Variants in SLC5A11 observed in about 807,000 individuals in gnomAD.
SLC5A11 encodes solute carrier family 5 member 11.
A neutral mutation model predicts 69.8 loss-of-function variants in SLC5A11; 48 were observed. That is an observed-to-expected ratio of 0.69 (90% CI 0.55 to 0.87). The LOEUF (loss-of-function observed/expected upper bound fraction) is 0.87. SLC5A11 is among the 40% of genes least tolerant of loss of function. The probability of loss-of-function intolerance (pLI) is 0.00; values close to 1 mark genes in which losing one functional copy is unlikely to be tolerated. For synonymous variants in SLC5A11, 319 were observed against 342.4 expected (o/e 0.93, Z 0.75); for missense variants, 784 against 866.1 (o/e 0.91, Z 1.19).
chr16:24,908,283 G>A (rs747550652), intron 13 of SLC5A11, 152 bp downstream of exon 14: 13 of 861,926 alleles, frequency 1.5e-5, no homozygotes, highest in Admixed American at 1.2e-4. Context: ...TACAGGGAGG[G>A]TGTTTATCTG....
At chr16:24,869,984 T>A in exon 4 of SLC5A11, 1 of 1,613,180 alleles carries the variant, frequency 6.2e-7, no homozygotes, top group Non-Finnish European at 8.5e-7. Context: ...CGGGCATTTC[T>A]GTATCAGCTT....
chr16:24,872,051 A>G (rs542717654), intron 4 of SLC5A11, 109 bp from the exon 6 acceptor site: 1 of 1,221,374 alleles, frequency 8.2e-7, no homozygotes, highest in East Asian at 2.3e-5. Context: ...GTAAGAGACT[A>G]CACCAGAGGT....
chr16:24,905,644 A>ATG (rs1567695631), intron 10 of SLC5A11, among the ~76,000 whole-genome samples: 5 of 62,940 alleles, frequency 7.9e-5, no homozygotes, highest in African/African-American at 1.7e-4. Context: ...GCGCGCGCAC[A>ATG]CACACACACA....
intron 9 of SLC5A11, among the ~76,000 whole-genome samples, chr16:24,893,246 C>A (rs1406375109): frequency 6.6e-6 from 1 of 151,624 alleles, no homozygotes; most frequent in East Asian, 1.9e-4. Context: ...CGAGATCATG[C>A]CATTGCACTC....
chr16:24,901,834 C>G (rs915916785), intron 10 of SLC5A11, among the ~76,000 whole-genome samples: 2 of 151,632 alleles, frequency 1.3e-5, no homozygotes, highest in Non-Finnish European at 2.9e-5. Flanking sequence ...CCTGTAATCC[C>G]AGCTCTTTGG....
chr16:24,893,116 C>CAAAA (rs58331547), intron 9 of SLC5A11, among the ~76,000 whole-genome samples: 18 of 99,104 alleles, frequency 1.8e-4, no homozygotes, highest in East Asian at 5.9e-4. Flanking sequence ...ACTAAAAATA[C>CAAAA]AAAAAAAAAA....
intron 7 of SLC5A11, among the ~76,000 whole-genome samples, chr16:24,883,069 A>G (rs2048149011): frequency 6.6e-6 from 1 of 152,186 alleles, no homozygotes; most frequent in African/African-American, 2.4e-5. Flanking sequence ...TCCAGTCTTA[A>G]AAATAAAGGT....
At chr16:24,852,306 C>T (rs975157425) in intron 1 of SLC5A11, among the ~76,000 whole-genome samples, 2 of 152,158 alleles carry the variant, frequency 1.3e-5, no homozygotes, top group Non-Finnish European at 2.9e-5. Flanking sequence ...CTTTTCCTTG[C>T]ACTGGGGTGT....
At chr16:24,895,671 T>C (rs2049110962) in intron 9 of SLC5A11, among the ~76,000 whole-genome samples, 1 of 152,076 alleles carries the variant, frequency 6.6e-6, no homozygotes, top group African/African-American at 2.4e-5. Flanking sequence ...CTTTTTTGAA[T>C]TCTGACCGGC....
In SLC5A11 at chr16:24,890,855, C is replaced by A; in HGVS notation, c.665-14C>A. On this transcript the variant is annotated splice_polypyrimidine_tract_variant and intron_variant, in intron 8 of 15. Coordinates refer to ENST00000347898, the Ensembl canonical transcript of SLC5A11. ...ATCTGAGTTCCCGGAAAATAGGCTT[C>A]CTCTGAATTCTAGGTTTCGCCGCGG... The A allele has an allele frequency of 6.2e-7, 1 of 1,613,668 alleles. No individual in the cohort carries two copies. Among genetic ancestry groups the A allele is most frequent in the Non-Finnish European group, 8.5e-7 (1 of 1,179,692 alleles).
chr16:24,861,104 A>G (rs961969423), intron 2 of SLC5A11, among the ~76,000 whole-genome samples: 4 of 152,134 alleles, frequency 2.6e-5, no homozygotes, highest in Non-Finnish European at 5.9e-5. Context: ...CTATGGCTTC[A>G]TATCTTTTGC....
chr16:24,862,632 A>C, exon 3 of SLC5A11: 1 of 1,613,698 alleles, frequency 6.2e-7, no homozygotes, highest in Non-Finnish European at 8.5e-7. Flanking sequence ...GACACAGTGA[A>C]AGGCTACTTC....
intron 8 of SLC5A11, among the ~76,000 whole-genome samples, chr16:24,885,368 C>T (rs547171123): frequency 1.7e-4 from 25 of 147,924 alleles, no homozygotes; most frequent in Non-Finnish European, 3.2e-4. Context: ...CAACAAAGGC[C>T]GAGTGTGGTG....
intron 4 of SLC5A11, among the ~76,000 whole-genome samples, chr16:24,870,286 G>A (rs1354399552): frequency 1.3e-5 from 2 of 150,922 alleles, no homozygotes; most frequent in Non-Finnish European, 3.0e-5. Flanking sequence ...CCAGCTACTC[G>A]GGAGGCTGAG....
chr16:24,875,635 G>A (rs142821360), exon 6 of SLC5A11: 50 of 1,613,382 alleles, frequency 3.1e-5, no homozygotes, highest in African/African-American at 1.9e-4. Context: ...AGGTCACCAC[G>A]ATGCCAGAAT....
rs746497601 is a variant in SLC5A11 at position 24,858,604 on chromosome 16, A to G, written c.-24-16A>G. ...TGCTAGGATCTGGCATTTGACTGGC[A>G]TTTGCCCTTCCTCAGGATCCAGAGG... On this transcript the variant is annotated splice_polypyrimidine_tract_variant and intron_variant, in intron 1 of 15. Transcript: ENST00000347898. The G allele has an allele frequency of 8.9e-6, 14 of 1,581,602 alleles. No individual in the cohort carries two copies. The highest frequency in any genetic ancestry group is 2.3e-5 in the East Asian group (1 of 44,246).
Position 24,875,933 on chromosome 16 carries a change from G to A in SLC5A11, c.477+202G>A, listed in dbSNP as rs56044620. ...AAAATGGTTGGGTGCAGTGGCTCAC[G>A]CCTGTAATCTCAGCACTTTGGGAGG... On this transcript the variant is annotated intron_variant, in intron 6 of 15. Transcript: ENST00000347898. Among the ~76,000 whole-genome samples the A allele has an allele frequency of 9.6e-3, 1,457 of 152,186 alleles. 24 individuals are homozygous for A. The highest frequency in any genetic ancestry group is 0.033 in the African/African-American group (1,363 of 41,518).
chr16:24,869,905 G>T, exon 4 of SLC5A11: 1 of 1,613,736 alleles, frequency 6.2e-7, no homozygotes, highest in Non-Finnish European at 8.5e-7. Context: ...CCACAGGTGG[G>T]TGCATCCTTG....
At chr16:24,897,571 A>G (rs1207090693) in intron 9 of SLC5A11, among the ~76,000 whole-genome samples, 5 of 152,196 alleles carry the variant, frequency 3.3e-5, no homozygotes, top group African/African-American at 1.2e-4. Flanking sequence ...AAAGCCTTCT[A>G]ATACAGTCTG....
Sources: gnomAD v4.1 joint callset for allele counts (sites outside exome capture counted in the v4.1 genomes callset) on GRCh38, gnomAD v4.1.1 for gene constraint, MANE v1.5 for transcripts, NCBI Gene and HGNC (gene_info 2026-07-23, HGNC 2026-07-21) for gene names.